The following CELA2A variants were observed in gnomAD, a reference collection of about 807,000 sequenced individuals.
CELA2A encodes the protein chymotrypsin-like elastase family member 2A.
Under a neutral mutation model 35.3 loss-of-function variants are expected in CELA2A, and 31 were observed. The ratio of observed to expected loss-of-function variants is 0.88; its 90% CI spans 0.66 to 1.19. The LOEUF (loss-of-function observed/expected upper bound fraction) is 1.19, where lower values mean the gene tolerates loss of function less well. Among genes scored for constraint, CELA2A ranks in the 50% most tolerant of loss-of-function variants. The probability of loss-of-function intolerance (pLI) is 0.00; values close to 1 mark genes in which losing one functional copy is unlikely to be tolerated. For synonymous variants in CELA2A, 150 were observed against 149.8 expected (o/e 1.00, Z -0.01); for missense variants, 330 against 352.9 (o/e 0.94, Z 0.52).
At chr1:15,461,486 G>A (rs1219546319) in intron 2 of CELA2A, 75 bp from the exon 3 acceptor site, 32 of 1,543,106 alleles carry the variant, frequency 2.1e-5, no homozygotes, top group Admixed American at 2.0e-4. Context: ...TCCCAGCCCC[G>A]TTCTTGGGAA....
At position 15,457,322 on chromosome 1, in the gene CELA2A, A is replaced by G. The variant is rs1321516800; in HGVS notation, c.129+148A>G. On this transcript the variant is annotated intron_variant, in intron 2 of 7. Transcript: ENST00000359621. ...GCACAGGCAACTTTAGCAATAAGAT[A>G]TATTTCCGGCTGGGCGCAGTGGCTC... 2.1e-5 allele frequency: 16 copies of G among 758,514 alleles called. No homozygotes were observed. The Admixed American group carries it at 3.6e-4, about 17-fold the overall frequency. 47.0% of individuals were successfully genotyped at this position (758,514 alleles called of 1,614,324 possible). A position where few individuals can be genotyped will look rare whatever the true frequency, so the allele number is the denominator to read the frequency against.
intron 5 of CELA2A, among the ~76,000 whole-genome samples, chr1:15,463,774 G>A (rs897872100): frequency 3.3e-5 from 5 of 152,138 alleles, no homozygotes; most frequent in African/African-American, 9.7e-5. Flanking sequence ...ATTTGGCTGG[G>A]CGCAGTGGCT....
intron 7 of CELA2A, among the ~76,000 whole-genome samples, chr1:15,471,272 C>T (rs1303408596): frequency 3.3e-5 from 5 of 152,100 alleles, no homozygotes; most frequent in Non-Finnish European, 5.9e-5. Flanking sequence ...ACAGGCTGGG[C>T]GCGGTGGCTC....
At chr1:15,458,715 C>T (rs1240673916) in intron 2 of CELA2A, among the ~76,000 whole-genome samples, 1 of 151,844 alleles carries the variant, frequency 6.6e-6, no homozygotes, top group African/African-American at 2.4e-5. Flanking sequence ...GAGTTTGAGA[C>T]CAGCCTGGCC....
rs751605320 is a variant in CELA2A, at chr1:15,466,004, G to T, written c.499G>T (p.Gly167Trp). 1.2e-6 allele frequency: 2 copies of T among 1,614,102 alleles called. No individual in the cohort carries two copies. Among genetic ancestry groups the T allele is most frequent in the East Asian group, 2.2e-5 (1 of 44,880 alleles). ...TTCTCTCTGATCTCATTCAGCCAAC[G>T]GGGCTGTTCCTGATGTCCTGCAGCA... is the stretch of plus-strand genomic sequence containing the variant. ...VTGWGRLQTNGAVPDVLQQGR... is the reference protein window; with the variant it reads ...VTGWGRLQTNWAVPDVLQQGR... Residue 167 changes from glycine (G) to tryptophan (W), a missense_variant, in exon 6 of 8, where the codon GGG becomes TGG. By Grantham distance (184) the Gly-to-Trp change is radical (BLOSUM62 -2). Transcript: ENST00000359621.
Position 15,456,747 on chromosome 1 carries a change from A to G in CELA2A, c.-7A>G. On this transcript the variant is annotated 5_prime_UTR_variant, in exon 1 of 8. Transcript: ENST00000359621. ...GGCCACGCTTACAGAACTCCCACGG[A>G]CACACCATGATAAGGACGCTGCTGC... The G allele has an allele frequency of 6.2e-7, 1 of 1,614,150 alleles. No homozygotes were observed. Among genetic ancestry groups the G allele is most frequent in the Non-Finnish European group, 8.5e-7 (1 of 1,180,016 alleles).
At chr1:15,460,827 G>A (rs762923956) in intron 2 of CELA2A, among the ~76,000 whole-genome samples, 3 of 150,562 alleles carry the variant, frequency 2.0e-5, no homozygotes, top group Non-Finnish European at 2.9e-5. Context: ...ATGCACCGCC[G>A]CACCCAGCGG....
intron 1 of CELA2A, 66 bp from the exon 2 acceptor site, chr1:15,457,020 C>T: frequency 1.3e-6 from 2 of 1,489,708 alleles, no homozygotes; most frequent in Non-Finnish European, 1.9e-6. Flanking sequence ...TCAGAATGCG[C>T]AGCAAGTGTA....
At chr1:15,468,429 G>C (rs2103305972) in intron 7 of CELA2A, among the ~76,000 whole-genome samples, 1 of 152,270 alleles carries the variant, frequency 6.6e-6, no homozygotes, top group South Asian at 2.1e-4. Context: ...TCAGAGAGGT[G>C]TCTCCTTTCA....
At chr1:15,461,433 A>C in intron 2 of CELA2A, 128 bp from the exon 3 acceptor site, 1 of 889,422 alleles carries the variant, frequency 1.1e-6, no homozygotes, top group Non-Finnish European at 1.8e-6. Flanking sequence ...TGCTGCCTTA[A>C]GTTGTGCACA....
At chr1:15,466,499 T>A (rs1329550429) in intron 6 of CELA2A, among the ~76,000 whole-genome samples, 2 of 151,932 alleles carry the variant, frequency 1.3e-5, no homozygotes, top group Non-Finnish European at 2.9e-5. Context: ...GAGGCGGAGG[T>A]TGCAGTGAGC....
At chr1:15,468,732 C>T (rs1351415436) in intron 7 of CELA2A, among the ~76,000 whole-genome samples, 3 of 152,144 alleles carry the variant, frequency 2.0e-5, no homozygotes, top group Admixed American at 6.5e-5. Context: ...ATCACTTGGG[C>T]CCGGGAGGCC....
At chr1:15,460,068 A>G (rs1352653723) in intron 2 of CELA2A, among the ~76,000 whole-genome samples, 2 of 152,114 alleles carry the variant, frequency 1.3e-5, no homozygotes, top group Non-Finnish European at 2.9e-5. Flanking sequence ...AGGCTTAATT[A>G]CAGTATGAGT....
rs1346009060 is a variant in CELA2A at position 15,461,560 on chromosome 1, G to C, written c.130-1G>C. On this transcript the variant is annotated splice_acceptor_variant, in intron 2 of 7. Coordinates refer to ENST00000359621, the MANE Select transcript of CELA2A (RefSeq NM_033440.3). LOFTEE classifies it high-confidence loss of function. ...CACAGAGCTCCTTTGCTTCTCCCCAGGTCTCCCTGCAGTACAGCTCCAATG... is the reference window on the plus strand; with the variant it reads ...CACAGAGCTCCTTTGCTTCTCCCCACGTCTCCCTGCAGTACAGCTCCAATG... 6.2e-7 allele frequency: 1 copy of C among 1,612,100 alleles called. No homozygotes were observed. Among genetic ancestry groups the C allele is most frequent in the South Asian group, 1.1e-5 (1 of 90,992 alleles).
intron 5 of CELA2A, 88 bp from the exon 6 acceptor site, chr1:15,465,911 G>GT (rs1318587291): frequency 6.7e-7 from 1 of 1,483,296 alleles, no homozygotes; most frequent in African/African-American, 1.4e-5. Flanking sequence ...ATGGAAGACA[G>GT]GAACAGGGGA....
In CELA2A at chr1:15,466,125, G is replaced by C; in HGVS notation, c.620G>C (p.Gly207Ala). ...AGTATGATCTGTGCTGGGGGTGATG[G>C]CGTGATCTCCAGCTGCAACGTGAGT... The part of the protein sequence containing the change: ...KTSMICAGGD[G>A]VISSCNGDSG... Residue 207 changes from glycine to alanine, a missense_variant, in exon 6 of 8, where the codon GGC becomes GCC. Physicochemically the swap from Gly to Ala is moderately conservative, Grantham distance 60. Transcript: ENST00000359621. 6.2e-7 allele frequency: 1 copy of C among 1,614,032 alleles called. No individual in the cohort carries two copies. The highest frequency in any genetic ancestry group is 8.5e-7 in the Non-Finnish European group (1 of 1,179,976).
chr1:15,471,886 T>G, intron 7 of CELA2A, 104 bp from the exon 8 acceptor site: 4 of 1,412,596 alleles, frequency 2.8e-6, no homozygotes, highest in Non-Finnish European at 4.0e-6. Context: ...GTGGGCTGCC[T>G]GTAACTCACA....
intron 7 of CELA2A, among the ~76,000 whole-genome samples, chr1:15,471,125 A>G (rs770660392): frequency 9.2e-5 from 14 of 152,020 alleles, no homozygotes; most frequent in African/African-American, 1.7e-4. Flanking sequence ...CATGTTTCCT[A>G]TTTTTCACTC....
intron 2 of CELA2A, 56 bp from the exon 3 acceptor site, chr1:15,461,505 G>A (rs1456535776): frequency 1.8e-5 from 29 of 1,593,388 alleles, no homozygotes; most frequent in Non-Finnish European, 2.3e-5. Flanking sequence ...AAACTGGAGT[G>A]CAGGGAGGCC....
Sources: allele counts gnomAD v4.1 joint callset (sites outside exome capture counted in the v4.1 genomes callset), GRCh38; gene constraint gnomAD v4.1.1; transcripts MANE v1.5; gene names NCBI Gene and HGNC (gene_info 2026-07-23, HGNC 2026-07-21).